CAST: variants seen among roughly 807,000 people sequenced by gnomAD.
CAST encodes the protein MIR583 host.
A neutral mutation model predicts 119.6 loss-of-function variants in CAST; 76 were observed. That is an observed-to-expected ratio of 0.64 (90% CI 0.53 to 0.77). The LOEUF is 0.77. Among genes scored for constraint, CAST ranks in the 30% least tolerant of loss-of-function variants. The probability of loss-of-function intolerance (pLI) is 0.00; values close to 1 mark genes in which losing one functional copy is unlikely to be tolerated. For missense variants in CAST, 953 were observed against 946.5 expected (o/e 1.01, Z -0.09); for synonymous variants, 319 against 331.6 (o/e 0.96, Z 0.41).
rs77636792 is a variant in CAST, at chr5:96,629,191, T to C, written c.61-46348T>C. 7.5e-3 allele frequency among the ~76,000 whole-genome samples: 1,147 copies of C among 152,342 alleles called. 11 individuals are homozygous for C. The highest frequency in any genetic ancestry group is 0.011 in the Non-Finnish European group (772 of 68,030). On this transcript the variant is annotated intron_variant, in intron 1 of 11. Transcript: ENST00000505143. Reference sequence around the variant, plus strand: ...TTGTTATCCTGGGAGTGGGTTGATATAAAGCGAGTCCAGCCTCTGGTACCT... The same window carrying C: ...TTGTTATCCTGGGAGTGGGTTGATACAAAGCGAGTCCAGCCTCTGGTACCT...
the CAST span, among the ~76,000 whole-genome samples, chr5:96,317,586 A>G: frequency 6.6e-6 from 1 of 151,706 alleles, no homozygotes; most frequent in African/African-American, 2.4e-5. Flanking sequence ...ATTTTATCTG[A>G]TGAATATGTA....
At chr5:96,310,044 T>C in the CAST span, among the ~76,000 whole-genome samples, 1 of 152,242 alleles carries the variant, frequency 6.6e-6, no homozygotes, top group Non-Finnish European at 1.5e-5. Context: ...CACCATTGAG[T>C]ATAATGTTAG....
At chr5:96,166,556 C>A in the CAST span, among the ~76,000 whole-genome samples, 1 of 152,076 alleles carries the variant, frequency 6.6e-6, no homozygotes, top group East Asian at 1.9e-4. Flanking sequence ...CTCCAGGTAG[C>A]TTTTCTTATT....
At chr5:96,243,543 G>A in the CAST span, among the ~76,000 whole-genome samples, 3,251 of 152,130 alleles carry the variant, frequency 0.021, 115 homozygotes, top group African/African-American at 0.074. Context: ...TTTAAGTACT[G>A]CTATATCTCT....
At chr5:96,513,734 T>G in the CAST span, among the ~76,000 whole-genome samples, 1 of 152,220 alleles carries the variant, frequency 6.6e-6, no homozygotes, top group Middle Eastern at 3.2e-3. Context: ...AGTCCTGATT[T>G]TTTTGAAAAA....
chr5:96,114,190 CA>C, the CAST span, among the ~76,000 whole-genome samples: 4,228 of 152,220 alleles, frequency 0.028, 181 homozygotes, highest in African/African-American at 0.096. Flanking sequence ...ATTCTGGAGA[CA>C]AACAAGAGCA....
chr5:96,007,342 C>A, the CAST span, among the ~76,000 whole-genome samples: 1 of 152,184 alleles, frequency 6.6e-6, no homozygotes, highest in Non-Finnish European at 1.5e-5. Flanking sequence ...ACTGGATTAA[C>A]CATCCTTGAT....
chr5:96,461,878 A>G, the CAST span, among the ~76,000 whole-genome samples: 2 of 152,268 alleles, frequency 1.3e-5, no homozygotes, highest in East Asian at 1.9e-4. Context: ...CTTGAAGTAG[A>G]TCAGTGCTCC....
chr5:96,313,236 G>A, the CAST span, among the ~76,000 whole-genome samples: 3 of 152,138 alleles, frequency 2.0e-5, no homozygotes, highest in Non-Finnish European at 2.9e-5. Context: ...CTGTGTTTAT[G>A]TGTACAATTC....
At chr5:96,469,281 G>A in the CAST span, among the ~76,000 whole-genome samples, 1 of 152,052 alleles carries the variant, frequency 6.6e-6, no homozygotes, top group Non-Finnish European at 1.5e-5. Flanking sequence ...TCATCATGTA[G>A]CCTATACAAC....
the CAST span, among the ~76,000 whole-genome samples, chr5:96,458,662 C>T: frequency 6.6e-6 from 1 of 152,176 alleles, no homozygotes; most frequent in Non-Finnish European, 1.5e-5. Flanking sequence ...GTCCAGGGTC[C>T]AGTTTTCTCC....
chr5:96,719,184 C>T (rs991923766), intron 3 of CAST, among the ~76,000 whole-genome samples: 5 of 152,194 alleles, frequency 3.3e-5, no homozygotes, highest in African/African-American at 1.2e-4. Flanking sequence ...CTTACCTTCC[C>T]ATCCTGGCTC....
chr5:96,534,742 A>AGAGAGAAAGAGAAAGAG (rs561170657), intron 1 of CAST, among the ~76,000 whole-genome samples: 1 of 30,876 alleles, frequency 3.2e-5, no homozygotes, highest in Non-Finnish European at 5.9e-5. Context: ...AGAGAGAGAG[A>AGAGAGAAAGAGAAAGAG]AAGAAAGAAA....
intron 11 of CAST, among the ~76,000 whole-genome samples, chr5:96,739,306 A>T (rs1205014759): frequency 6.6e-6 from 1 of 152,232 alleles, no homozygotes; most frequent in Non-Finnish European, 1.5e-5. Flanking sequence ...GCAAGGAGTT[A>T]TAAGAACTGG....
the CAST span, among the ~76,000 whole-genome samples, chr5:96,272,556 T>A: frequency 6.6e-6 from 1 of 152,072 alleles, no homozygotes; most frequent in Admixed American, 6.5e-5. Flanking sequence ...AAAGTGGATC[T>A]CATGAAGACA....
chr5:96,041,431 C>T, the CAST span, among the ~76,000 whole-genome samples: 1 of 152,032 alleles, frequency 6.6e-6, no homozygotes, highest in Non-Finnish European at 1.5e-5. Context: ...ATCTGAGAAC[C>T]TGTCATAGCC....
the CAST span, among the ~76,000 whole-genome samples, chr5:96,211,736 A>G: frequency 2.6e-5 from 4 of 152,066 alleles, no homozygotes; most frequent in Non-Finnish European, 5.9e-5. Flanking sequence ...AACATTGGGA[A>G]TAATTCTCCA....
intron 17 of CAST, 23 bp from the exon 18 acceptor site, chr5:96,747,322 A>T (rs779173738): frequency 6.5e-7 from 1 of 1,530,438 alleles, no homozygotes; most frequent in Admixed American, 1.7e-5. Context: ...TTCATTTCCA[A>T]TGAATTTTAA....
the CAST span, among the ~76,000 whole-genome samples, chr5:96,165,130 A>G: frequency 1.3e-5 from 2 of 151,652 alleles, no homozygotes; most frequent in Non-Finnish European, 2.9e-5. Context: ...ACAGGAGGGG[A>G]GAATGCAGCA....
Sources: gnomAD v4.1 joint callset for allele counts (sites outside exome capture counted in the v4.1 genomes callset) on GRCh38, gnomAD v4.1.1 for gene constraint, MANE v1.5 for transcripts, NCBI Gene and HGNC (gene_info 2026-07-23, HGNC 2026-07-21) for gene names.